Variants in SLC35F3 observed in about 807,000 individuals in gnomAD.
SLC35F3 encodes putative thiamine transporter SLC35F3.
SLC35F3 carries 25 observed loss-of-function variants against 49.9 expected under a neutral mutation model. That is an observed-to-expected ratio of 0.50 (90% confidence interval 0.37 to 0.70). SLC35F3 has a LOEUF of 0.70. Ranked by LOEUF, SLC35F3 falls within the 30% of genes least tolerant of loss-of-function variation. SLC35F3 has a pLI of 0.00. For synonymous variants in SLC35F3, 275 were observed against 265.4 expected, an observed-to-expected ratio of 1.04 and a Z score of -0.35; for missense variants, 525 against 639.8, an observed-to-expected ratio of 0.82 and a Z score of 1.94.
chr1:234,008,796 C>A (rs1261432141), intron 2 of SLC35F3, among the ~76,000 whole-genome samples: 1 of 152,170 alleles, frequency 6.6e-6, no homozygotes, highest in African/African-American at 2.4e-5. Context: ...CCTCAGGACC[C>A]CTTCTGTCAT....
At chr1:234,020,498 C>G (rs1208783437) in intron 2 of SLC35F3, among the ~76,000 whole-genome samples, 2 of 151,926 alleles carry the variant, frequency 1.3e-5, no homozygotes, top group Non-Finnish European at 2.9e-5. Context: ...TTTCTTCTTC[C>G]TCTCTGTCCC....
At position 234,127,744 on chromosome 1, in the gene SLC35F3, T is replaced by C. The variant is rs183107171; in HGVS notation, c.284-103673T>C. 1.1e-4 allele frequency among the ~76,000 whole-genome samples: 17 copies of C among 152,250 alleles called. No individual in the cohort carries two copies. In the East Asian group the frequency reaches 3.1e-3, roughly 28 times the overall value. ...ATGATGAGATTTTCTTTGAAGGAAA[T>C]AAATTAAACACGAGTTTACATTAGA... On this transcript the variant is annotated intron_variant, in intron 2 of 7. Coordinates refer to ENST00000366618, the MANE Select transcript of SLC35F3 (RefSeq NM_173508.4).
At chr1:234,281,801 C>T (rs1277119745) in intron 3 of SLC35F3, among the ~76,000 whole-genome samples, 2 of 151,898 alleles carry the variant, frequency 1.3e-5, no homozygotes, top group East Asian at 1.9e-4. Context: ...GTGAATCAAC[C>T]GTATCGAGCT....
chr1:234,311,714 A>T (rs1292968755), intron 4 of SLC35F3, among the ~76,000 whole-genome samples: 1 of 152,184 alleles, frequency 6.6e-6, no homozygotes, highest in Non-Finnish European at 1.5e-5. Flanking sequence ...GTTTGGAAGG[A>T]GCCAAGGTGG....
chr1:233,992,063 G>A (rs558143038), intron 2 of SLC35F3, among the ~76,000 whole-genome samples: 74 of 152,264 alleles, frequency 4.9e-4, no homozygotes, highest in African/African-American at 1.7e-3. Context: ...TTGGAGAATA[G>A]AAGCAGACAC....
At chr1:234,121,274 T>C (rs868035703) in intron 2 of SLC35F3, among the ~76,000 whole-genome samples, 2 of 151,708 alleles carry the variant, frequency 1.3e-5, no homozygotes, top group Non-Finnish European at 2.9e-5. Context: ...GTAGCTGGGA[T>C]TACAGGCGCC....
chr1:233,965,450 T>C (rs941087770), intron 2 of SLC35F3, among the ~76,000 whole-genome samples: 20 of 152,154 alleles, frequency 1.3e-4, no homozygotes, highest in African/African-American at 4.3e-4. Context: ...GAGTGGGCCA[T>C]TGTTCCCATG....
At chr1:233,924,481 G>A (rs181914428) in intron 2 of SLC35F3, among the ~76,000 whole-genome samples, 3 of 152,248 alleles carry the variant, frequency 2.0e-5, no homozygotes, top group East Asian at 1.9e-4. Flanking sequence ...CTGTGGGATC[G>A]GTGGTGATAT....
chr1:233,940,906 T>C (rs1264975219), intron 2 of SLC35F3, among the ~76,000 whole-genome samples: 1 of 152,168 alleles, frequency 6.6e-6, no homozygotes, highest in Admixed American at 6.5e-5. Flanking sequence ...CAAAATGTCT[T>C]TCAAAAAGGG....
intron 2 of SLC35F3, among the ~76,000 whole-genome samples, chr1:234,192,998 A>G (rs1480657468): frequency 6.6e-6 from 1 of 152,220 alleles, no homozygotes; most frequent in Non-Finnish European, 1.5e-5. Context: ...GGTAGAATCA[A>G]TATTGTGAAA....
intron 2 of SLC35F3, among the ~76,000 whole-genome samples, chr1:234,221,426 T>C: frequency 6.6e-6 from 1 of 152,136 alleles, no homozygotes; most frequent in East Asian, 1.9e-4. Flanking sequence ...AAGGGAATGA[T>C]CGGCTTTGAA....
At chr1:234,266,757 T>C (rs1667984953) in intron 3 of SLC35F3, among the ~76,000 whole-genome samples, 1 of 152,114 alleles carries the variant, frequency 6.6e-6, no homozygotes. Context: ...AGTATTTTTA[T>C]ATCTAGACAT....
At chr1:234,080,216 G>C (rs1664854693) in intron 2 of SLC35F3, among the ~76,000 whole-genome samples, 1 of 152,146 alleles carries the variant, frequency 6.6e-6, no homozygotes, top group South Asian at 2.1e-4. Flanking sequence ...TTGGAGTTTG[G>C]GGGAGCTTCC....
rs773955695 is a variant in SLC35F3 at position 233,905,110 on chromosome 1, C to T, written c.33C>T (p.Pro11=). The T allele has an allele frequency of 6.4e-7, 1 of 1,562,164 alleles. No homozygotes were observed. The highest frequency in any genetic ancestry group is 1.2e-5 in the South Asian group (1 of 84,912). ...TTCGAGAGTTTCCCAGCGGCGCACCCAGGGGCAAGAGCATTGCCGTGTGAG... is the reference window on the plus strand; with the variant it reads ...TTCGAGAGTTTCCCAGCGGCGCACCTAGGGGCAAGAGCATTGCCGTGTGAG... The part of the protein sequence containing the change: MGIREFPSGA[P]RGKSIAVGMR... The change falls in exon 1 of 8, where the codon CCC becomes CCT. Residue 11 remains proline (P), a synonymous_variant. Coordinates refer to ENST00000366618, the MANE Select transcript of SLC35F3 (RefSeq NM_173508.4).
rs533978150 is a variant in SLC35F3 at position 234,032,295 on chromosome 1, G to A, written c.283+126537G>A. On this transcript the variant is annotated intron_variant, in intron 2 of 7. Transcript: ENST00000366618. Reference sequence around the variant, plus strand: ...AAGTCAAATTCACCATTGAACTTGTGGTAAATTATTATTGCTATTCTTTCA... The same window carrying A: ...AAGTCAAATTCACCATTGAACTTGTAGTAAATTATTATTGCTATTCTTTCA... 3.3e-5 allele frequency among the ~76,000 whole-genome samples: 5 copies of A among 151,638 alleles called. 1 individual carries two copies. In the South Asian group the frequency reaches 1.1e-3, roughly 32 times the overall value.
chr1:234,219,373 TA>T (rs1667168855), intron 2 of SLC35F3, among the ~76,000 whole-genome samples: 1 of 152,220 alleles, frequency 6.6e-6, no homozygotes, highest in Non-Finnish European at 1.5e-5. Context: ...CCTGATTGGC[TA>T]GCTCTAGGTC....
At chr1:234,216,591 C>T (rs1361803618) in intron 2 of SLC35F3, among the ~76,000 whole-genome samples, 1 of 152,234 alleles carries the variant, frequency 6.6e-6, no homozygotes, top group Non-Finnish European at 1.5e-5. Flanking sequence ...ACGCCAGCAG[C>T]TGCCTCGCCA....
intron 2 of SLC35F3, among the ~76,000 whole-genome samples, chr1:233,921,625 G>A (rs1662060723): frequency 6.6e-6 from 1 of 152,126 alleles, no homozygotes. Context: ...ATGTCAGGTA[G>A]TTGAAGTCAC....
At chr1:234,087,981 C>G (rs1330926346) in intron 2 of SLC35F3, among the ~76,000 whole-genome samples, 1 of 152,230 alleles carries the variant, frequency 6.6e-6, no homozygotes, top group Admixed American at 6.5e-5. Flanking sequence ...CCACACCTGC[C>G]TCCAGCTTAG....
Sources: gnomAD v4.1 joint callset for allele counts (sites outside exome capture counted in the v4.1 genomes callset) on GRCh38, gnomAD v4.1.1 for gene constraint, MANE v1.5 for transcripts, NCBI Gene and HGNC (gene_info 2026-07-23, HGNC 2026-07-21) for gene names.